The following MYOCD variants were observed in gnomAD, a reference collection of about 807,000 sequenced individuals.
MYOCD encodes myocardin.
A neutral mutation model predicts 96.1 loss-of-function variants in MYOCD; 32 were observed. The observed-to-expected ratio is 0.33, with a 90% CI of 0.25 to 0.45. The LOEUF is 0.45. Among genes scored for constraint, MYOCD ranks in the 20% least tolerant of loss-of-function variants. The pLI is 1.00. For synonymous variants in MYOCD, 469 were observed against 469.0 expected, an observed-to-expected ratio of 1.00 and a Z score of 0.00; for missense variants, 1,133 against 1,200.6, an observed-to-expected ratio of 0.94 and a Z score of 0.83.
At chr17:12,728,199 G>A (rs571762508) in intron 5 of MYOCD, among the ~76,000 whole-genome samples, 6 of 152,220 alleles carry the variant, frequency 3.9e-5, no homozygotes, top group Admixed American at 3.3e-4. Context: ...ATCCCTCTGT[G>A]TTGAGACCCC....
At chr17:12,718,173 G>T (rs1401782800) in intron 4 of MYOCD, among the ~76,000 whole-genome samples, 1 of 152,178 alleles carries the variant, frequency 6.6e-6, no homozygotes, top group Non-Finnish European at 1.5e-5. Flanking sequence ...TGGGTTCAAC[G>T]ATGAATAAGA....
At chr17:12,709,316 C>T (rs912341159) in intron 2 of MYOCD, among the ~76,000 whole-genome samples, 2 of 152,096 alleles carry the variant, frequency 1.3e-5, no homozygotes, top group South Asian at 4.2e-4. Context: ...TTTTATAATC[C>T]CCATGAATCA....
chr17:12,742,921 T>C (rs952538604), intron 7 of MYOCD, among the ~76,000 whole-genome samples: 2 of 152,186 alleles, frequency 1.3e-5, no homozygotes, highest in Non-Finnish European at 2.9e-5. Context: ...CATTCCTTCC[T>C]AATATACAAA....
At chr17:12,696,668 C>G (rs1482283189) in intron 1 of MYOCD, among the ~76,000 whole-genome samples, 3 of 152,144 alleles carry the variant, frequency 2.0e-5, no homozygotes, top group Admixed American at 6.5e-5. Flanking sequence ...TTGCCTGTTT[C>G]TGAGAAAGGC....
At chr17:12,755,349 A>G (rs932581078) in intron 10 of MYOCD, among the ~76,000 whole-genome samples, 1 of 152,060 alleles carries the variant, frequency 6.6e-6, no homozygotes, top group Non-Finnish European at 1.5e-5. Context: ...ACTGGCTCAC[A>G]CCTGTAATCC....
At chr17:12,674,584 G>T (rs144763886) in intron 1 of MYOCD, among the ~76,000 whole-genome samples, 1 of 152,168 alleles carries the variant, frequency 6.6e-6, no homozygotes, top group Non-Finnish European at 1.5e-5. Flanking sequence ...AGTACCAGAA[G>T]TAAAACAGAC....
At chr17:12,756,662 C>CCTG in intron 11 of MYOCD, 105 bp downstream of exon 11, 1 of 734,500 alleles carries the variant, frequency 1.4e-6, no homozygotes, top group Non-Finnish European at 2.0e-6. Flanking sequence ...CACCACTGCA[C>CCTG]TCCAGCCCAG....
At chr17:12,705,440 G>A (rs934619795) in intron 2 of MYOCD, 1 of 378,324 alleles carries the variant, frequency 2.6e-6, no homozygotes, top group Non-Finnish European at 4.7e-6. Context: ...TTGTTCTCAG[G>A]GTAAACACAA....
chr17:12,696,048 T>TTTGTTGTTG (rs368329219), intron 1 of MYOCD, among the ~76,000 whole-genome samples: 1 of 151,828 alleles, frequency 6.6e-6, no homozygotes, highest in African/African-American at 2.4e-5. Context: ...ATAATATTCC[T>TTTGTTGTTG]TTGTTGTTGT....
chr17:12,729,819 C>G (rs193121755), intron 5 of MYOCD, among the ~76,000 whole-genome samples: 64 of 152,200 alleles, frequency 4.2e-4, no homozygotes, highest in Non-Finnish European at 8.2e-4. Flanking sequence ...ATCTGCCCGC[C>G]TTGCCTAATG....
chr17:12,748,179 C>A lies in MYOCD; in HGVS notation c.1125+2107C>A, dbSNP rs201750707. 6.0e-3 allele frequency among the ~76,000 whole-genome samples: 682 copies of A among 112,754 alleles called. 1 individual carries two copies. Among genetic ancestry groups the A allele is most frequent in the Middle Eastern group, 0.015 (3 of 196 alleles). The allele number at this position is 112,754 out of a possible 152,430, so 74.0% of individuals were successfully genotyped here. On this transcript the variant is annotated intron_variant, in intron 9 of 13. Coordinates refer to ENST00000425538, the MANE Select transcript of MYOCD (RefSeq NM_001146312.3). ...CCGTCTCAAAAAAAAAAAAAAAAAA[C>A]AAAAAAACAAAAAAACTGGAGAGAG... is the stretch of plus-strand genomic sequence containing the variant.
chr17:12,752,595 C>T lies in MYOCD; in HGVS notation c.1307C>T (p.Ser436Phe), dbSNP rs1279452412. 1.5e-5 allele frequency: 24 copies of T among 1,614,032 alleles called. No homozygotes were observed. Among genetic ancestry groups the T allele is most frequent in the Non-Finnish European group, 1.9e-5 (23 of 1,180,038 alleles). ...TPNTLPNYQS[S>F]SSTSALSNGF... ...AACACGCTGCCCAATTACCAGTCTT[C>T]CTCTTCTACCAGTGCCCTGTCCAAC... Residue 436 changes from serine to phenylalanine, a missense_variant, in exon 10 of 14, where the codon TCC (serine) becomes TTC (phenylalanine). Physicochemically the swap from Ser to Phe is radical, Grantham distance 155 (BLOSUM62 -2). Transcript: ENST00000425538.
intron 5 of MYOCD, among the ~76,000 whole-genome samples, chr17:12,725,765 C>T (rs1009668591): frequency 6.6e-6 from 1 of 151,580 alleles, no homozygotes; most frequent in African/African-American, 2.4e-5. Context: ...TCTCTTAAAT[C>T]GGATTTTTCT....
intron 4 of MYOCD, among the ~76,000 whole-genome samples, chr17:12,719,287 T>C (rs2031752007): frequency 1.3e-5 from 2 of 150,816 alleles, no homozygotes; most frequent in African/African-American, 4.9e-5. Context: ...TCCCATACAC[T>C]GCTGGTGGGA....
chr17:12,723,122 A>G, intron 5 of MYOCD, 114 bp downstream of exon 5: 2 of 999,280 alleles, frequency 2.0e-6, no homozygotes, highest in South Asian at 1.7e-5. Flanking sequence ...GATAAGAGCC[A>G]TACCATGGGT....
intron 8 of MYOCD, among the ~76,000 whole-genome samples, 158 bp from the exon 9 acceptor site, chr17:12,745,761 C>T (rs183338480): frequency 5.3e-4 from 81 of 152,242 alleles, no homozygotes; most frequent in Admixed American, 1.0e-3. Context: ...CACCGCTTAC[C>T]GTCTAGCCGG....
rs527673952 is a variant in MYOCD, at chr17:12,691,560, G to A, written c.56-13568G>A. On this transcript the variant is annotated intron_variant, in intron 1 of 13. Coordinates refer to ENST00000425538, the MANE Select transcript of MYOCD (RefSeq NM_001146312.3). Reference sequence around the variant, plus strand: ...ACTATGGACAGTGATTCTGAGCTGAGCATCCCTTATGTTGAGTTACTAGGG... The same window carrying A: ...ACTATGGACAGTGATTCTGAGCTGAACATCCCTTATGTTGAGTTACTAGGG... Among the ~76,000 whole-genome samples, 5 of 152,230 alleles carry A rather than the reference G, an allele frequency of 3.3e-5. No individual in the cohort carries two copies. The South Asian group carries it at 8.3e-4, about 25-fold the overall frequency.
chr17:12,736,087 C>G, intron 5 of MYOCD, 74 bp from the exon 6 acceptor site: 1 of 1,201,160 alleles, frequency 8.3e-7, no homozygotes, highest in Non-Finnish European at 1.2e-6. Flanking sequence ...AGAAATGACA[C>G]ATCGAAGCAT....
chr17:12,715,668 C>A, intron 3 of MYOCD, 94 bp downstream of exon 3: 1 of 942,424 alleles, frequency 1.1e-6, no homozygotes, highest in Non-Finnish European at 1.7e-6. Context: ...ATTCCTACAA[C>A]AAACACAATC....
Sources: allele counts gnomAD v4.1 joint callset (sites outside exome capture counted in the v4.1 genomes callset), GRCh38; gene constraint gnomAD v4.1.1; transcripts MANE v1.5; gene names NCBI Gene and HGNC (gene_info 2026-07-23, HGNC 2026-07-21).